Variants in DOK6 observed in about 807,000 individuals in gnomAD.
DOK6 encodes the protein docking protein 6.
DOK6 carries 22 observed loss-of-function variants against 44.0 expected under a neutral mutation model. That is an observed-to-expected ratio of 0.50 (90% confidence interval 0.36 to 0.71). DOK6 has a LOEUF of 0.71. Among genes scored for constraint, DOK6 ranks in the 30% least tolerant of loss-of-function variants. The probability of loss-of-function intolerance (pLI) is 0.00; values close to 1 mark genes in which losing one functional copy is unlikely to be tolerated. For missense variants in DOK6, 340 were observed against 416.4 expected (o/e 0.82, Z 1.60); for synonymous variants, 166 against 145.5 (o/e 1.14, Z -1.01).
At chr18:69,825,657 G>A (rs1375068971) in intron 7 of DOK6, among the ~76,000 whole-genome samples, 2 of 151,186 alleles carry the variant, frequency 1.3e-5, no homozygotes, top group African/African-American at 2.4e-5. Flanking sequence ...GGATGGTCTC[G>A]ATCAATCATA....
rs57486782 is a variant in DOK6 at position 69,811,524 on chromosome 18, TTATA to T, written c.857-29670_857-29667del. Among the ~76,000 whole-genome samples the T allele has an allele frequency of 8.0e-3, 747 of 92,976 alleles. 9 individuals carry two copies. The highest frequency in any genetic ancestry group is 0.023 in the African/African-American group (487 of 21,484). 61.0% of individuals were successfully genotyped at this position (92,976 alleles called of 152,430 possible). A position where few individuals can be genotyped will look rare whatever the true frequency, so the allele number is the denominator to read the frequency against. On this transcript the variant is annotated intron_variant, in intron 7 of 7. Coordinates refer to ENST00000382713, the MANE Select transcript of DOK6 (RefSeq NM_152721.6). ...TAATTAGCTTGATTTAACCATTCCA[TTATA>T]TATATATATATATATATATATATAT...
intron 3 of DOK6, among the ~76,000 whole-genome samples, chr18:69,652,563 C>G (rs954237771): frequency 2.0e-5 from 3 of 152,156 alleles, no homozygotes; most frequent in Non-Finnish European, 4.4e-5. Flanking sequence ...CAGGAGAACT[C>G]TAGAGATCCA....
chr18:69,574,839 G>T (rs1983201202), intron 2 of DOK6, among the ~76,000 whole-genome samples: 1 of 152,006 alleles, frequency 6.6e-6, no homozygotes, highest in Non-Finnish European at 1.5e-5. Context: ...AATGGATAGG[G>T]TAATACACTA....
At chr18:69,787,480 G>A (rs1036849884) in intron 7 of DOK6, among the ~76,000 whole-genome samples, 1 of 152,174 alleles carries the variant, frequency 6.6e-6, no homozygotes, top group African/African-American at 2.4e-5. Context: ...TACATTATAA[G>A]GAAGAATCAT....
At chr18:69,501,542 G>A (rs1038363455) in intron 1 of DOK6, among the ~76,000 whole-genome samples, 1 of 152,150 alleles carries the variant, frequency 6.6e-6, no homozygotes, top group African/African-American at 2.4e-5. Flanking sequence ...CTTGCAATGT[G>A]ATCTTAGGTT....
chr18:69,534,966 T>C (rs974748606), intron 1 of DOK6, among the ~76,000 whole-genome samples: 3 of 152,142 alleles, frequency 2.0e-5, no homozygotes, highest in African/African-American at 7.2e-5. Flanking sequence ...GTCTCACTCA[T>C]GTCTTCTCTT....
At chr18:69,688,368 G>A (rs549543343) in intron 4 of DOK6, among the ~76,000 whole-genome samples, 252 of 152,246 alleles carry the variant, frequency 1.7e-3, no homozygotes, top group South Asian at 3.9e-3. Flanking sequence ...AGACCAACAC[G>A]AGCCAAATAA....
At chr18:69,639,290 A>G (rs978755287) in intron 3 of DOK6, among the ~76,000 whole-genome samples, 1 of 152,200 alleles carries the variant, frequency 6.6e-6, no homozygotes, top group Non-Finnish European at 1.5e-5. Context: ...GTGTCCTCCC[A>G]TCCTCTGCTC....
chr18:69,760,196 T>C (rs778549828), intron 7 of DOK6, among the ~76,000 whole-genome samples: 1 of 152,224 alleles, frequency 6.6e-6, no homozygotes, highest in Non-Finnish European at 1.5e-5. Flanking sequence ...GGAGCCTCAG[T>C]AGTTTTTTTA....
chr18:69,818,103 G>T (rs2117984), intron 7 of DOK6, among the ~76,000 whole-genome samples: 119,025 of 151,974 alleles, frequency 0.78, 47,406 homozygotes, highest in East Asian at 0.91. Flanking sequence ...TTAGAACCCA[G>T]GAACTTTGAG....
intron 1 of DOK6, among the ~76,000 whole-genome samples, chr18:69,407,396 A>G (rs1049996663): frequency 1.3e-5 from 2 of 152,194 alleles, no homozygotes; most frequent in African/African-American, 2.4e-5. Flanking sequence ...AATAAGATAA[A>G]ATAATTAAAA....
chr18:69,817,113 G>T (rs540542783), intron 7 of DOK6, among the ~76,000 whole-genome samples: 1 of 152,086 alleles, frequency 6.6e-6, no homozygotes, highest in East Asian at 1.9e-4. Context: ...GTAAGCTTTA[G>T]TTCCTCGAGT....
intron 1 of DOK6, among the ~76,000 whole-genome samples, chr18:69,477,077 A>T (rs918313734): frequency 1.3e-5 from 2 of 152,214 alleles, no homozygotes; most frequent in Non-Finnish European, 2.9e-5. Flanking sequence ...GCATAAAAAT[A>T]GTATCATTTT....
intron 1 of DOK6, among the ~76,000 whole-genome samples, chr18:69,457,049 C>T (rs1181964573): frequency 6.6e-6 from 1 of 152,058 alleles, no homozygotes; most frequent in East Asian, 1.9e-4. Context: ...GGATATTAGA[C>T]CTTTGTTGGA....
At chr18:69,669,622 C>A (rs966689988) in intron 3 of DOK6, among the ~76,000 whole-genome samples, 2 of 152,132 alleles carry the variant, frequency 1.3e-5, no homozygotes, top group African/African-American at 4.8e-5. Context: ...ACTGGTGGAT[C>A]TAATCTTTCT....
At chr18:69,627,445 A>C (rs974028474) in intron 3 of DOK6, among the ~76,000 whole-genome samples, 1 of 151,670 alleles carries the variant, frequency 6.6e-6, no homozygotes, top group African/African-American at 2.4e-5. Flanking sequence ...TCTTATTTTT[A>C]TTTTATTTAT....
At chr18:69,731,266 T>A (rs1978391971) in intron 5 of DOK6, among the ~76,000 whole-genome samples, 1 of 152,104 alleles carries the variant, frequency 6.6e-6, no homozygotes, top group Non-Finnish European at 1.5e-5. Flanking sequence ...TGAGAACAAA[T>A]ATAATTCATA....
intron 2 of DOK6, 76 bp from the exon 3 acceptor site, chr18:69,599,308 C>G: frequency 1.0e-6 from 1 of 999,022 alleles, no homozygotes. Flanking sequence ...ACTGTGATAA[C>G]TTATCATTTT....
At chr18:69,643,995 G>C (rs1445565084) in intron 3 of DOK6, among the ~76,000 whole-genome samples, 3 of 152,016 alleles carry the variant, frequency 2.0e-5, no homozygotes, top group African/African-American at 4.8e-5. Context: ...TCTTTCCTTG[G>C]TGATAAGTGA....
Sources: gnomAD v4.1 joint callset for allele counts (sites outside exome capture counted in the v4.1 genomes callset) on GRCh38, gnomAD v4.1.1 for gene constraint, MANE v1.5 for transcripts, NCBI Gene and HGNC (gene_info 2026-07-23, HGNC 2026-07-21) for gene names.